The following PRR5L variants were observed in gnomAD, a reference collection of about 807,000 sequenced individuals.
The protein encoded by PRR5L is proline rich 5 like, also known as proline-rich protein 5-like.
A neutral mutation model predicts 36.4 loss-of-function variants in PRR5L; 21 were observed. The observed-to-expected ratio is 0.58, with a 90% CI of 0.41 to 0.83. PRR5L has a LOEUF of 0.83. Ranked by LOEUF, PRR5L falls within the 40% of genes least tolerant of loss-of-function variation. The probability of loss-of-function intolerance (pLI) is 0.00; values close to 1 mark genes in which losing one functional copy is unlikely to be tolerated. For synonymous variants in PRR5L, 188 were observed against 197.0 expected (o/e 0.95, Z 0.38); for missense variants, 381 against 473.3 (o/e 0.80, Z 1.81).
rs556735561 is a variant in PRR5L, at chr11:36,406,436, T to C, written c.245+3058T>C. On this transcript the variant is annotated intron_variant, in intron 3 of 8. Coordinates refer to ENST00000530639, the MANE Select transcript of PRR5L (RefSeq NM_001160167.2). ...TTTAGAGAAGGCCAGAGGATGGAGA[T>C]AGGCTTTCACATCAGAGACACAGAA... 4.6e-5 allele frequency among the ~76,000 whole-genome samples: 7 copies of C among 152,304 alleles called. No individual in the cohort carries two copies. In the East Asian group the frequency reaches 5.8e-4, roughly 13 times the overall value.
intron 6 of PRR5L, among the ~76,000 whole-genome samples, chr11:36,443,402 C>T (rs972933544): frequency 6.6e-6 from 1 of 152,186 alleles, no homozygotes; most frequent in Non-Finnish European, 1.5e-5. Context: ...CTGGAGAAAA[C>T]ATTTCAACAT....
intron 4 of PRR5L, among the ~76,000 whole-genome samples, chr11:36,423,505 T>C (rs1858316702): frequency 1.3e-5 from 2 of 151,798 alleles, no homozygotes; most frequent in African/African-American, 4.8e-5. Flanking sequence ...AGATCAAGAG[T>C]GGTGAAGGTA....
intron 1 of PRR5L, among the ~76,000 whole-genome samples, chr11:36,331,241 C>T (rs1856715858): frequency 1.3e-5 from 2 of 151,174 alleles, no homozygotes; most frequent in Admixed American, 7.0e-5. Flanking sequence ...TTTAGAATGT[C>T]AAATAACCTA....
chr11:36,397,644 A>G (rs1441594204), intron 1 of PRR5L, among the ~76,000 whole-genome samples: 1 of 150,524 alleles, frequency 6.6e-6, no homozygotes, highest in East Asian at 2.0e-4. Flanking sequence ...TTTAATAGAG[A>G]CAGGGTTTTG....
intron 1 of PRR5L, chr11:36,376,345 A>AGAGGAGGAGGAGGAGGAGGAG (rs145114661): frequency 1.2e-6 from 1 of 860,142 alleles, no homozygotes; most frequent in African/African-American, 2.2e-5. Context: ...AGGAGGAGGA[A>AGAGGAGGAGGAGGAGGAGGAG]GAGGAGGAGG....
intron 8 of PRR5L, among the ~76,000 whole-genome samples, 195 bp downstream of exon 8, chr11:36,451,530 C>T (rs1288060925): frequency 6.6e-6 from 1 of 152,208 alleles, no homozygotes; most frequent in Admixed American, 6.5e-5. Flanking sequence ...TTGCAGTAAC[C>T]TTCTCCCCCT....
chr11:36,380,836 C>G (rs1444258654), intron 1 of PRR5L, among the ~76,000 whole-genome samples: 1 of 151,976 alleles, frequency 6.6e-6, no homozygotes, highest in Non-Finnish European at 1.5e-5. Flanking sequence ...ATTTCTGGAG[C>G]AGGATAATAA....
chr11:36,360,207 GTTC>G (rs1857072692), intron 1 of PRR5L, among the ~76,000 whole-genome samples: 1 of 152,110 alleles, frequency 6.6e-6, no homozygotes, highest in South Asian at 2.1e-4. Flanking sequence ...ATGACATACT[GTTC>G]TTCTCTGGAC....
chr11:36,455,667 G>A (rs1391773441), intron 8 of PRR5L, among the ~76,000 whole-genome samples: 1 of 152,204 alleles, frequency 6.6e-6, no homozygotes, highest in Non-Finnish European at 1.5e-5. Context: ...GGGTGACAGG[G>A]CCCTGCCTTC....
intron 4 of PRR5L, among the ~76,000 whole-genome samples, chr11:36,423,384 G>A (rs999163920): frequency 1.3e-5 from 2 of 152,204 alleles, no homozygotes; most frequent in African/African-American, 4.8e-5. Flanking sequence ...AGCGTTAACT[G>A]AAGACCCGGA....
At chr11:36,385,855 CCATGTGGT>C (rs1371113668) in intron 1 of PRR5L, among the ~76,000 whole-genome samples, 2 of 152,206 alleles carry the variant, frequency 1.3e-5, no homozygotes, top group Non-Finnish European at 2.9e-5. Context: ...GATTGCTCAC[CCATGTGGT>C]CCAGGTCTAC....
At chr11:36,428,493 G>C (rs554288902) in intron 4 of PRR5L, among the ~76,000 whole-genome samples, 1 of 152,158 alleles carries the variant, frequency 6.6e-6, no homozygotes, top group Non-Finnish European at 1.5e-5. Context: ...GCTGTGGCTC[G>C]GTTGTTGGAG....
chr11:36,422,634 T>A (rs1564944329), intron 4 of PRR5L, among the ~76,000 whole-genome samples: 1 of 152,194 alleles, frequency 6.6e-6, no homozygotes, highest in East Asian at 1.9e-4. Context: ...TAACACAGAA[T>A]GTCCTGAGTG....
At chr11:36,389,758 G>A (rs557642094) in intron 1 of PRR5L, among the ~76,000 whole-genome samples, 111 of 152,092 alleles carry the variant, frequency 7.3e-4, no homozygotes, top group Admixed American at 4.6e-3. Context: ...GATTACAGGC[G>A]CCCGCCACCA....
At chr11:36,314,771 G>T (rs1202954710) in intron 1 of PRR5L, among the ~76,000 whole-genome samples, 1 of 152,192 alleles carries the variant, frequency 6.6e-6, no homozygotes, top group Non-Finnish European at 1.5e-5. Flanking sequence ...GGGTCTCAAA[G>T]CACTTTGCAG....
intron 3 of PRR5L, among the ~76,000 whole-genome samples, chr11:36,414,433 G>A (rs1318997812): frequency 6.7e-6 from 1 of 149,062 alleles, no homozygotes; most frequent in East Asian, 2.0e-4. Flanking sequence ...GTATCTCACT[G>A]TGGTTTTGAT....
intron 1 of PRR5L, among the ~76,000 whole-genome samples, chr11:36,312,062 G>A (rs1326614189): frequency 6.6e-6 from 1 of 152,152 alleles, no homozygotes; most frequent in African/African-American, 2.4e-5. Context: ...AATTTGGAAA[G>A]AATCACAAGA....
chr11:36,450,597 G>C (rs760234897), intron 7 of PRR5L, among the ~76,000 whole-genome samples: 3 of 152,198 alleles, frequency 2.0e-5, no homozygotes, highest in Non-Finnish European at 4.4e-5. Flanking sequence ...GGCTCAAAAA[G>C]AATTATCCCT....
At chr11:36,330,093 G>T (rs1584228) in intron 1 of PRR5L, among the ~76,000 whole-genome samples, 1 of 151,980 alleles carries the variant, frequency 6.6e-6, no homozygotes, top group Non-Finnish European at 1.5e-5. Flanking sequence ...TTAAACTTAC[G>T]CAAATAGCTG....
Sources: gnomAD v4.1 joint callset for allele counts (sites outside exome capture counted in the v4.1 genomes callset) on GRCh38, gnomAD v4.1.1 for gene constraint, MANE v1.5 for transcripts, NCBI Gene and HGNC (gene_info 2026-07-23, HGNC 2026-07-21) for gene names.